The following COL22A1 variants were observed in gnomAD, a reference collection of about 807,000 sequenced individuals.
COL22A1 encodes collagen alpha-1(XXII) chain.
In COL22A1, 221 loss-of-function variants were observed where a neutral mutation model predicts 248.9. The ratio of observed to expected loss-of-function variants is 0.89; its 90% CI spans 0.80 to 0.99. The LOEUF is 0.99. Ranked by LOEUF, COL22A1 falls within the 50% of genes least tolerant of loss-of-function variation. The probability of loss-of-function intolerance (pLI) is 0.00; values close to 1 mark genes in which losing one functional copy is unlikely to be tolerated. For synonymous variants in COL22A1, 891 were observed against 793.4 expected, an observed-to-expected ratio of 1.12 and a Z score of -2.07; for missense variants, 2,240 against 2,179.0, an observed-to-expected ratio of 1.03 and a Z score of -0.56.
chr8:138,652,737 T>TG (rs910534482), intron 45 of COL22A1, among the ~76,000 whole-genome samples: 2 of 67,922 alleles, frequency 2.9e-5, no homozygotes, highest in African/African-American at 1.2e-4. Flanking sequence ...CTTTTCTGGT[T>TG]TTTTTTTTTT....
intron 41 of COL22A1, among the ~76,000 whole-genome samples, chr8:138,674,780 T>C (rs1346076901): frequency 6.6e-6 from 1 of 152,160 alleles, no homozygotes; most frequent in African/African-American, 2.4e-5. Context: ...CTTACAACCC[T>C]TTCTCTATGC....
intron 5 of COL22A1, among the ~76,000 whole-genome samples, chr8:138,832,743 T>G (rs2131819955): frequency 6.6e-6 from 1 of 152,310 alleles, no homozygotes; most frequent in South Asian, 2.1e-4. Flanking sequence ...CCGTTTGTTA[T>G]TTCATGAATG....
In COL22A1 at chr8:138,603,416, C is replaced by T. The variant is rs376789579; in HGVS notation, c.4141-1257G>A. ...GGCGGCAGGAAAGGCATTATAGGTG[C>T]GTGGAAGAGTGAGGACCAAGCCTTG... On this transcript the variant is annotated intron_variant, in intron 59 of 64. Coordinates refer to ENST00000303045, the MANE Select transcript of COL22A1 (RefSeq NM_152888.3). 9.2e-5 allele frequency among the ~76,000 whole-genome samples: 14 copies of T among 152,140 alleles called. No homozygotes were observed. The East Asian group carries it at 9.7e-4, about 10-fold the overall frequency.
chr8:138,608,065 T>C (rs1818564613), intron 56 of COL22A1, 76 bp from the exon 57 acceptor site: 1 of 1,375,490 alleles, frequency 7.3e-7, no homozygotes, highest in Non-Finnish European at 1.0e-6. Context: ...GATAGACTGA[T>C]GCACAGGACT....
chr8:138,775,661 A>G (rs1814374113), intron 16 of COL22A1, among the ~76,000 whole-genome samples: 1 of 152,122 alleles, frequency 6.6e-6, no homozygotes, highest in African/African-American at 2.4e-5. Flanking sequence ...CCAATCCTTA[A>G]ACCTGTCTGG....
intron 59 of COL22A1, among the ~76,000 whole-genome samples, chr8:138,602,717 G>T (rs889590256): frequency 1.3e-5 from 2 of 152,186 alleles, no homozygotes; most frequent in Non-Finnish European, 2.9e-5. Flanking sequence ...CTCCCTTCTG[G>T]AGGGCAGTCA....
rs569034058 is a variant in COL22A1 at position 138,811,402 on chromosome 8, T to C, written c.1449+397A>G. Among the ~76,000 whole-genome samples the C allele has an allele frequency of 3.9e-5, 6 of 152,104 alleles. No homozygotes were observed. In the East Asian group the frequency reaches 7.7e-4, roughly 20 times the overall value. ...GTATATATATATGAATGATAGTGAA[T>C]GGTTAATCAAAGAAAACATTGAGAA... On this transcript the variant is annotated intron_variant, in intron 9 of 64. Transcript: ENST00000303045.
chr8:138,785,239 G>T (rs1011555157), intron 12 of COL22A1, among the ~76,000 whole-genome samples: 1 of 152,222 alleles, frequency 6.6e-6, no homozygotes. Context: ...GAAGCTCTGC[G>T]TGGAGCCAGG....
At position 138,671,367 on chromosome 8, in the gene COL22A1, A is replaced by G. The variant is rs79571586; in HGVS notation, c.3150+5191T>C. On this transcript the variant is annotated intron_variant, in intron 41 of 64. Coordinates refer to ENST00000303045, the MANE Select transcript of COL22A1 (RefSeq NM_152888.3). Reference sequence around the variant, plus strand: ...TGTTGAGAGAAATGTAAAGAAACATACATGCAGCATTAAGTCATAACTGCA... The same window carrying G: ...TGTTGAGAGAAATGTAAAGAAACATGCATGCAGCATTAAGTCATAACTGCA... 3.6e-3 allele frequency among the ~76,000 whole-genome samples: 547 copies of G among 152,348 alleles called. 3 individuals are homozygous for G. The highest frequency in any genetic ancestry group is 0.012 in the African/African-American group (518 of 41,590).
At chr8:138,659,428 T>C (rs1331053180) in intron 44 of COL22A1, among the ~76,000 whole-genome samples, 2 of 152,168 alleles carry the variant, frequency 1.3e-5, no homozygotes, top group Admixed American at 6.5e-5. Flanking sequence ...CTCAGATCCA[T>C]CTCAAGGTGA....
At chr8:138,714,608 C>G (rs1003349585) in intron 30 of COL22A1, among the ~76,000 whole-genome samples, 2 of 152,168 alleles carry the variant, frequency 1.3e-5, no homozygotes, top group Non-Finnish European at 2.9e-5. Flanking sequence ...CACATCCCAT[C>G]GGCTTCCCTA....
intron 3 of COL22A1, among the ~76,000 whole-genome samples, chr8:138,865,770 CCT>C (rs1297612116): frequency 1.3e-4 from 10 of 77,110 alleles, no homozygotes; most frequent in African/African-American, 5.5e-4. Context: ...TGTTTGTATG[CCT>C]CTGAGTGTAT....
At chr8:138,813,114 T>G (rs1421576586) in intron 7 of COL22A1, 95 bp from the exon 8 acceptor site, 2 of 896,922 alleles carry the variant, frequency 2.2e-6, no homozygotes, top group Non-Finnish European at 3.7e-6. Context: ...GGTATCTGGT[T>G]CCACTTCCTC....
chr8:138,730,412 G>T (rs776799396), intron 23 of COL22A1, among the ~76,000 whole-genome samples: 1 of 152,178 alleles, frequency 6.6e-6, no homozygotes, highest in East Asian at 1.9e-4. Flanking sequence ...ACTACGTACC[G>T]CTGTGTTCTC....
intron 2 of COL22A1, among the ~76,000 whole-genome samples, chr8:138,880,659 G>A (rs961635085): frequency 1.3e-5 from 2 of 152,166 alleles, no homozygotes; most frequent in African/African-American, 4.8e-5. Flanking sequence ...CCCAGCCTTA[G>A]CAGGACTGAT....
chr8:138,797,335 T>C (rs1191017953), intron 11 of COL22A1, among the ~76,000 whole-genome samples: 1 of 152,208 alleles, frequency 6.6e-6, no homozygotes, highest in African/African-American at 2.4e-5. Flanking sequence ...ATTTTTTATA[T>C]AAATGGAATC....
intron 25 of COL22A1, among the ~76,000 whole-genome samples, chr8:138,723,190 C>T (rs572474274): frequency 5.3e-5 from 8 of 152,196 alleles, no homozygotes; most frequent in East Asian, 1.9e-4. Flanking sequence ...CAAAAGTGAA[C>T]GTTTTTTATA....
intron 12 of COL22A1, among the ~76,000 whole-genome samples, chr8:138,795,317 C>G (rs1429332384): frequency 6.6e-6 from 1 of 152,094 alleles, no homozygotes; most frequent in Non-Finnish European, 1.5e-5. Flanking sequence ...TGTGCTACAC[C>G]CAAACTGCTT....
chr8:138,609,819 C>T (rs28464630), intron 56 of COL22A1, among the ~76,000 whole-genome samples: 16,273 of 152,076 alleles, frequency 0.11, 869 homozygotes, highest in South Asian at 0.19. Context: ...TGGGTGGGTG[C>T]CTGTGCTCTG....
Sources: allele counts gnomAD v4.1 joint callset (sites outside exome capture counted in the v4.1 genomes callset), GRCh38; gene constraint gnomAD v4.1.1; transcripts MANE v1.5; gene names NCBI Gene and HGNC (gene_info 2026-07-23, HGNC 2026-07-21).